SEMA3D: variants seen among roughly 807,000 people sequenced by gnomAD.
The protein encoded by SEMA3D is semaphorin-3D.
In SEMA3D, 84 loss-of-function variants were observed where a neutral mutation model predicts 100.1. That is an observed-to-expected ratio of 0.84 (90% CI 0.70 to 1.01). The LOEUF is 1.01. SEMA3D is among the 50% of genes least tolerant of loss of function. SEMA3D has a pLI of 0.00. For synonymous variants in SEMA3D, 312 were observed against 320.7 expected, an observed-to-expected ratio of 0.97 and a Z score of 0.29; for missense variants, 875 against 934.1, an observed-to-expected ratio of 0.94 and a Z score of 0.82.
chr7:85,013,062 T>G (rs9642197), intron 16 of SEMA3D, among the ~76,000 whole-genome samples: 10,095 of 151,844 alleles, frequency 0.066, 954 homozygotes, highest in East Asian at 0.22. Context: ...GACAATGAGA[T>G]GACATGAATT....
intron 12 of SEMA3D, among the ~76,000 whole-genome samples, chr7:85,032,727 C>G (rs1245652667): frequency 2.6e-5 from 4 of 152,010 alleles, no homozygotes; most frequent in Admixed American, 2.0e-4. Context: ...CAGTTTAACT[C>G]AGTACAACCA....
chr7:84,999,665 C>G lies in SEMA3D; in HGVS notation c.2109G>C (p.Lys703Asn). ...QRAEHEEGKV[K>N]DLLAESRLRY... ...TCAACCGTGACTCAGCCAATAGATCCTTGACCTTCCCCTCCTCATGCTCTG... is the reference window on the plus strand; with the variant it reads ...TCAACCGTGACTCAGCCAATAGATCGTTGACCTTCCCCTCCTCATGCTCTG... Residue 703 changes from lysine (K) to asparagine (N), a missense_variant, in exon 19 of 19, where the codon AAG becomes AAC. Lys to Asn is a moderately conservative substitution (Grantham distance 94). Coordinates refer to ENST00000284136, the MANE Select transcript of SEMA3D (RefSeq NM_001384900.1). The G allele has an allele frequency of 6.2e-7, 1 of 1,614,060 alleles. No homozygotes were observed.
chr7:85,027,785 T>G (rs764001720), intron 12 of SEMA3D: 3 of 427,044 alleles, frequency 7.0e-6, no homozygotes, highest in African/African-American at 2.0e-5. Context: ...TGGGGTTCTG[T>G]GTCTCACTTT....
At chr7:85,132,791 C>T (rs1302047322) in intron 2 of SEMA3D, among the ~76,000 whole-genome samples, 1 of 151,712 alleles carries the variant, frequency 6.6e-6, no homozygotes, top group African/African-American at 2.4e-5. Context: ...TAAAGTATGA[C>T]CTCATAACAC....
At chr7:85,113,437 T>C (rs536445261) in intron 3 of SEMA3D, among the ~76,000 whole-genome samples, 1 of 151,914 alleles carries the variant, frequency 6.6e-6, no homozygotes. Flanking sequence ...TTGGATAAAA[T>C]GGTTATTACA....
At chr7:85,139,309 T>C (rs1029757723) in intron 2 of SEMA3D, among the ~76,000 whole-genome samples, 5 of 152,098 alleles carry the variant, frequency 3.3e-5, no homozygotes, top group Admixed American at 6.6e-5. Context: ...ATGTTACTAA[T>C]ATGTCAATAA....
intron 6 of SEMA3D, among the ~76,000 whole-genome samples, chr7:85,070,626 G>A (rs377607229): frequency 6.6e-6 from 1 of 152,112 alleles, no homozygotes; most frequent in African/African-American, 2.4e-5. Flanking sequence ...TTACCTGTAC[G>A]CCAGACCAGC....
At chr7:85,178,852 C>T (rs761672937) in intron 1 of SEMA3D, among the ~76,000 whole-genome samples, 1 of 152,136 alleles carries the variant, frequency 6.6e-6, no homozygotes, top group Non-Finnish European at 1.5e-5. Context: ...TGGGCTGGAT[C>T]CAGGGCCTCC....
chr7:85,028,863 AT>A, intron 12 of SEMA3D: 1 of 242,044 alleles, frequency 4.1e-6, no homozygotes. Context: ...TATCCCCAAG[AT>A]TTAGTAGCTT....
At chr7:85,018,478 T>C (rs1790167279) in intron 14 of SEMA3D, among the ~76,000 whole-genome samples, 185 bp from the exon 15 acceptor site, 1 of 151,746 alleles carries the variant, frequency 6.6e-6, no homozygotes, top group Admixed American at 6.6e-5. Context: ...TTAACAGAAA[T>C]GATAAAAAGT....
chr7:85,014,625 G>C (rs578027386), intron 16 of SEMA3D, among the ~76,000 whole-genome samples: 2 of 151,604 alleles, frequency 1.3e-5, no homozygotes, highest in Non-Finnish European at 3.0e-5. Context: ...CAAGTCACTA[G>C]GCTGCACTGT....
At position 85,006,822 on chromosome 7, in the gene SEMA3D, C is replaced by G. The variant is rs1378442004; in HGVS notation, c.1888G>C (p.Gly630Arg). ...CTTACCTCCTCTCGATGCTCATCCC[C>G]TGACCTCTGGATATACCATTTAATA... ...ATIKWYIQRS[G>R]DEHREELKPD... Residue 630 changes from glycine (G) to arginine (R), a missense_variant, in exon 18 of 19, where the codon GGG becomes CGG. Coordinates refer to ENST00000284136, the MANE Select transcript of SEMA3D (RefSeq NM_001384900.1). The G allele has an allele frequency of 3.1e-6, 5 of 1,599,700 alleles. No homozygotes were observed. The highest frequency in any genetic ancestry group is 2.7e-5 in the African/African-American group (2 of 74,182).
At chr7:85,036,359 A>C (rs1299976236) in intron 12 of SEMA3D, among the ~76,000 whole-genome samples, 1 of 152,136 alleles carries the variant, frequency 6.6e-6, no homozygotes, top group East Asian at 1.9e-4. Context: ...TTTGAAAAAA[A>C]TTTTTGACTG....
At chr7:85,013,806 A>G (rs1220339901) in intron 16 of SEMA3D, among the ~76,000 whole-genome samples, 1 of 151,796 alleles carries the variant, frequency 6.6e-6, no homozygotes, top group African/African-American at 2.4e-5. Flanking sequence ...AGAAAAAATT[A>G]TGATGGTATA....
At chr7:85,033,221 A>C (rs1448907321) in intron 12 of SEMA3D, among the ~76,000 whole-genome samples, 1 of 152,146 alleles carries the variant, frequency 6.6e-6, no homozygotes, top group African/African-American at 2.4e-5. Flanking sequence ...CTATATTCTG[A>C]GTAGTCGGCA....
the SEMA3D span, among the ~76,000 whole-genome samples, chr7:85,197,927 T>C: frequency 6.6e-6 from 1 of 152,154 alleles, no homozygotes; most frequent in Non-Finnish European, 1.5e-5. Flanking sequence ...AAAAGAAGGT[T>C]ATACAGCAAC....
the SEMA3D span, among the ~76,000 whole-genome samples, chr7:85,202,719 C>G: frequency 1.3e-5 from 2 of 152,036 alleles, no homozygotes; most frequent in East Asian, 1.9e-4. Flanking sequence ...GACATTTATG[C>G]AGCCAAAAAA....
At chr7:85,189,817 T>C (rs1351582945), upstream of SEMA3D, among the ~76,000 whole-genome samples, 1 of 152,218 alleles carries the variant, frequency 6.6e-6, no homozygotes, top group Non-Finnish European at 1.5e-5. Flanking sequence ...TATGAGTAAG[T>C]AATTTTCATT....
chr7:85,241,863 G>A, the SEMA3D span, among the ~76,000 whole-genome samples: 1 of 151,796 alleles, frequency 6.6e-6, no homozygotes, highest in African/African-American at 2.4e-5. Flanking sequence ...ACTACAATAA[G>A]ATATCATCTT....
Sources: gnomAD v4.1 joint callset for allele counts (sites outside exome capture counted in the v4.1 genomes callset) on GRCh38, gnomAD v4.1.1 for gene constraint, MANE v1.5 for transcripts, NCBI Gene and HGNC (gene_info 2026-07-23, HGNC 2026-07-21) for gene names.